Variants in COX11 observed in about 807,000 individuals in gnomAD.
The protein encoded by COX11 is cytochrome c oxidase assembly protein COX11, mitochondrial.
Under a neutral mutation model 29.4 loss-of-function variants are expected in COX11, and 18 were observed. That is an observed-to-expected ratio of 0.61 (90% confidence interval 0.42 to 0.91). COX11 has a LOEUF of 0.91. Ranked by LOEUF, COX11 falls within the 40% of genes least tolerant of loss-of-function variation. The pLI is 0.00. For missense variants in COX11, 312 were observed against 346.0 expected (o/e 0.90, Z 0.78); for synonymous variants, 131 against 124.0 (o/e 1.06, Z -0.38).
intron 1 of COX11, 66 bp downstream of exon 1, chr17:54,968,215 C>G (rs542505065): frequency 6.4e-7 from 1 of 1,559,840 alleles, no homozygotes; most frequent in South Asian, 1.2e-5. Flanking sequence ...AGGGCTTGTC[C>G]CGGGATTTGT....
At position 54,960,601 on chromosome 17, in the gene COX11, AAGG is replaced by A. The variant is rs1324681619; in HGVS notation, c.*2129_*2131del. ...GAAGAAATTGATGCTCACCAGCACA[AAGG>A]AGCTCAAAATGATGGTGACTGAGGT... On this transcript the variant is annotated 3_prime_UTR_variant, in exon 4 of 4. Transcript: ENST00000299335. 1.2e-6 allele frequency: 2 copies of A among 1,612,866 alleles called. No homozygotes were observed. Among genetic ancestry groups the A allele is most frequent in the Non-Finnish European group, 1.7e-6 (2 of 1,179,438 alleles).
Position 54,968,488 on chromosome 17 carries a change from A to G in COX11, c.159T>C (p.Leu53=). Residue 53 remains leucine, a synonymous_variant, in exon 1 of 4, where the codon CTT becomes CTC. Transcript: ENST00000299335. The part of the protein sequence containing the change: ...TGGAERGLRW[L]GTWKRCSLRA... ...GAAGGCTGCAGCGCTTCCATGTCCC[A>G]AGCCACCTCAGTCCTCTCTCGGCAC... The G allele has an allele frequency of 6.2e-7, 1 of 1,613,272 alleles. No individual in the cohort carries two copies. Among genetic ancestry groups the G allele is most frequent in the Non-Finnish European group, 8.5e-7 (1 of 1,179,946 alleles).
chr17:54,966,743 T>C (rs2077222478), intron 1 of COX11, among the ~76,000 whole-genome samples: 1 of 152,236 alleles, frequency 6.6e-6, no homozygotes, highest in African/African-American at 2.4e-5. Context: ...TTGGGCTTGG[T>C]CTCTGATGAA....
At chr17:54,954,006 G>A (rs1315390740) in exon 1 of COX11, 1 of 152,142 alleles carries the variant, frequency 6.6e-6, no homozygotes, top group Non-Finnish European at 1.5e-5. Flanking sequence ...ACCAGGGACT[G>A]GCTTGCTTCC....
In COX11 at chr17:54,967,042, G is replaced by GCGCACACACA. The variant is rs1310473186; in HGVS notation, c.366+1238_366+1239insTGTGTGTGCG. ...TAAATAAATAAACGTGCGCGCGCGC[G>GCGCACACACA]CACACACACACACACACACACACAC... On this transcript the variant is annotated intron_variant, in intron 1 of 3. Coordinates refer to ENST00000299335, the MANE Select transcript of COX11 (RefSeq NM_004375.5). Among the ~76,000 whole-genome samples the GCGCACACACA allele has an allele frequency of 5.5e-3, 529 of 96,070 alleles. 2 individuals carry two copies. Among genetic ancestry groups the GCGCACACACA allele is most frequent in the South Asian group, 0.014 (43 of 3,180 alleles). 63.0% of individuals were successfully genotyped at this position (96,070 alleles called of 152,430 possible).
chr17:54,968,780 C>A, upstream of COX11: 16 of 1,060,804 alleles, frequency 1.5e-5, no homozygotes, highest in Non-Finnish European at 2.2e-5. Flanking sequence ...GCAGCGCTTG[C>A]AGTCGGGCTA....
At chr17:54,956,472 A>AT (rs918263213), downstream of COX11, among the ~76,000 whole-genome samples, 12 of 151,754 alleles carry the variant, frequency 7.9e-5, no homozygotes, top group Non-Finnish European at 1.5e-4. Flanking sequence ...CGCCTGGCTA[A>AT]TTTTTTTGTA....
chr17:54,954,656 C>T (rs1469447775), exon 1 of COX11: 1 of 152,260 alleles, frequency 6.6e-6, no homozygotes, highest in African/African-American at 2.4e-5. Flanking sequence ...GAGGGCCTCA[C>T]TTCTCTTGGA....
intron 1 of COX11, 74 bp from the exon 2 acceptor site, chr17:54,964,926 A>G: frequency 6.9e-7 from 1 of 1,441,518 alleles, no homozygotes; most frequent in Admixed American, 1.8e-5. Flanking sequence ...AAAAGTTTAA[A>G]AACAATGTAG....
chr17:54,963,805 T>A (rs931860679), intron 2 of COX11, among the ~76,000 whole-genome samples: 6 of 152,008 alleles, frequency 3.9e-5, no homozygotes, highest in Non-Finnish European at 7.4e-5. Flanking sequence ...CTATTTTTTT[T>A]AAAAAGATAC....
At chr17:54,965,431 T>C (rs35996124) in intron 1 of COX11, among the ~76,000 whole-genome samples, 3,284 of 152,334 alleles carry the variant, frequency 0.022, 73 homozygotes, top group Non-Finnish European at 0.031. Context: ...CTCTGTATAG[T>C]AGAGCTTTTA....
At position 54,963,295 on chromosome 17, in the gene COX11, C is replaced by A; in HGVS notation, c.648+11G>T. On this transcript the variant is annotated intron_variant, in intron 3 of 3. Coordinates refer to ENST00000299335, the MANE Select transcript of COX11 (RefSeq NM_004375.5). Reference sequence around the variant, plus strand: ...TTTATCATATTCTGTAAAGTTTACACTTTGATGTACCTGTATTTTATTGAA... The same window carrying A: ...TTTATCATATTCTGTAAAGTTTACAATTTGATGTACCTGTATTTTATTGAA... 1.9e-6 allele frequency: 3 copies of A among 1,607,098 alleles called. No homozygotes were observed. The highest frequency in any genetic ancestry group is 2.6e-6 in the Non-Finnish European group (3 of 1,176,388).
downstream of COX11, among the ~76,000 whole-genome samples, chr17:54,960,119 T>A (rs938738189): frequency 6.6e-6 from 1 of 152,068 alleles, no homozygotes; most frequent in African/African-American, 2.4e-5. Context: ...TCCCAGCACT[T>A]TGGGAGGCCG....
downstream of COX11, among the ~76,000 whole-genome samples, chr17:54,959,882 GCTGGGATTATAGGTGTGAGCCA>G (rs2077069241): frequency 6.6e-6 from 1 of 152,130 alleles, no homozygotes; most frequent in Admixed American, 6.5e-5. Flanking sequence ...CTCCCAGAGT[GCTGGGATTATAGGTGTGAGCCA>G]CTGCACTTGT....
At chr17:54,964,603 A>G in intron 2 of COX11, 94 bp downstream of exon 2, 1 of 1,138,042 alleles carries the variant, frequency 8.8e-7, no homozygotes, top group Non-Finnish European at 1.3e-6. Flanking sequence ...TATTAGAATC[A>G]TAGTGTTAAA....
chr17:54,968,304 G>A lies in COX11; in HGVS notation c.343C>T (p.Pro115Ser), dbSNP rs1457965971. ...GMLGASYAAV[P>S]LYRLYCQTTG... ...ACCTGGCAATAGAGCCGATAAAGGG[G>A]TACGGCAGCGTAGGACGCCCCCAGC... Residue 115 changes from proline (P) to serine (S), a missense_variant, in exon 1 of 4, where the codon CCC (proline) becomes TCC (serine). Transcript: ENST00000299335. 1.9e-6 allele frequency: 3 copies of A among 1,612,738 alleles called. No individual in the cohort carries two copies. Among genetic ancestry groups the A allele is most frequent in the Non-Finnish European group, 2.5e-6 (3 of 1,179,872 alleles).
chr17:54,965,277 A>G lies in COX11; in HGVS notation c.367-425T>C, dbSNP rs113125070. Reference sequence around the variant, plus strand: ...TGAAAATACTTAACTCAATTTTTCCATATTCCTGTCTGGTCCTTTTCCATA... The same window carrying G: ...TGAAAATACTTAACTCAATTTTTCCGTATTCCTGTCTGGTCCTTTTCCATA... On this transcript the variant is annotated intron_variant, in intron 1 of 3. Coordinates refer to ENST00000299335, the MANE Select transcript of COX11 (RefSeq NM_004375.5). Among the ~76,000 whole-genome samples the G allele has an allele frequency of 4.7e-3, 712 of 152,330 alleles. 6 individuals carry two copies. The highest frequency in any genetic ancestry group is 0.016 in the African/African-American group (676 of 41,574).
chr17:54,967,042 GCACACACACACACACACACACA>G (rs71159276), intron 1 of COX11, among the ~76,000 whole-genome samples: 1 of 96,122 alleles, frequency 1.0e-5, no homozygotes, highest in East Asian at 2.5e-4. Flanking sequence ...GCGCGCGCGC[GCACACACACACACACACACACA>G]CACACACACG....
chr17:54,965,707 T>C (rs2077205212), intron 1 of COX11, among the ~76,000 whole-genome samples: 1 of 152,078 alleles, frequency 6.6e-6, no homozygotes, highest in Admixed American at 6.6e-5. Context: ...CACGCGCCTG[T>C]AGTCCCAGGT....
Sources: gnomAD v4.1 joint callset for allele counts (sites outside exome capture counted in the v4.1 genomes callset) on GRCh38, gnomAD v4.1.1 for gene constraint, MANE v1.5 for transcripts, NCBI Gene and HGNC (gene_info 2026-07-23, HGNC 2026-07-21) for gene names.